The following AFG3L2 variants were observed in gnomAD, a reference collection of about 807,000 sequenced individuals.
AFG3L2 encodes the protein AFG3 like matrix AAA peptidase subunit 2.
A neutral mutation model predicts 94.5 loss-of-function variants in AFG3L2; 54 were observed. That is an observed-to-expected ratio of 0.57 (90% CI 0.46 to 0.72). The LOEUF (loss-of-function observed/expected upper bound fraction) is 0.72. Ranked by LOEUF, AFG3L2 falls within the 30% of genes least tolerant of loss-of-function variation. The pLI is 0.00. For synonymous variants in AFG3L2, 377 were observed against 365.5 expected (o/e 1.03, Z -0.36); for missense variants, 754 against 994.9 (o/e 0.76, Z 3.26).
chr18:12,334,327 G>A (rs1260731234), intron 16 of AFG3L2, among the ~76,000 whole-genome samples: 1 of 152,168 alleles, frequency 6.6e-6, no homozygotes, highest in Non-Finnish European at 1.5e-5. Flanking sequence ...CGTGAGTCGT[G>A]TGAGTACAGA....
chr18:12,363,273 G>A (rs1239579989), intron 6 of AFG3L2, among the ~76,000 whole-genome samples: 2 of 151,984 alleles, frequency 1.3e-5, no homozygotes, highest in East Asian at 1.9e-4. Flanking sequence ...CTTGCTCTGG[G>A]GTCTCTGGAA....
intron 6 of AFG3L2, among the ~76,000 whole-genome samples, chr18:12,362,857 G>T (rs562695441): frequency 1.1e-3 from 164 of 146,326 alleles, no homozygotes; most frequent in African/African-American, 4.4e-3. Flanking sequence ...AGAGGGATGG[G>T]TGTGTGTGTG....
At chr18:12,350,342 A>T (rs1908275379) in intron 12 of AFG3L2, among the ~76,000 whole-genome samples, 1 of 152,224 alleles carries the variant, frequency 6.6e-6, no homozygotes, top group Non-Finnish European at 1.5e-5. Flanking sequence ...TGATGGTTGT[A>T]CAACCCTGTA....
chr18:12,352,322 A>G (rs911586569), intron 10 of AFG3L2, among the ~76,000 whole-genome samples: 1 of 151,810 alleles, frequency 6.6e-6, no homozygotes, highest in Non-Finnish European at 1.5e-5. Flanking sequence ...TTCTGCCCCT[A>G]TGCCTGGCTT....
chr18:12,368,924 A>G (rs994025574), intron 3 of AFG3L2, among the ~76,000 whole-genome samples: 4 of 152,064 alleles, frequency 2.6e-5, no homozygotes, highest in African/African-American at 9.7e-5. Flanking sequence ...TAATGTCTTC[A>G]GTGACCATGA....
intron 5 of AFG3L2, among the ~76,000 whole-genome samples, chr18:12,366,050 AT>A (rs1228487864): frequency 6.1e-4 from 93 of 151,596 alleles, no homozygotes; most frequent in Non-Finnish European, 1.1e-3. Context: ...AATTTTTTGT[AT>A]TTTTTAGTAG....
intron 12 of AFG3L2, 58 bp downstream of exon 12, chr18:12,351,027 G>A (rs1402864115): frequency 1.9e-6 from 3 of 1,603,388 alleles, no homozygotes; most frequent in South Asian, 2.2e-5. Context: ...CCGGTACCTG[G>A]TAACTGTTAC....
At chr18:12,333,251 T>C (rs1384707822) in intron 16 of AFG3L2, among the ~76,000 whole-genome samples, 4 of 126,834 alleles carry the variant, frequency 3.2e-5, no homozygotes, top group African/African-American at 6.1e-5. Flanking sequence ...ATTATATAAA[T>C]ATATAGATTA....
chr18:12,362,727 A>G (rs1946479614), intron 6 of AFG3L2, among the ~76,000 whole-genome samples: 2 of 152,196 alleles, frequency 1.3e-5, no homozygotes, highest in Admixed American at 1.3e-4. Context: ...CCTGTGCCTG[A>G]CATGGGCCGC....
In AFG3L2 at chr18:12,343,407, AC is replaced by A. The variant is rs1269361625; in HGVS notation, c.1779+724del. The A allele has an allele frequency of 6.0e-5, 9 of 150,364 alleles. No individual in the cohort carries two copies. In the East Asian group the frequency reaches 1.6e-3, roughly 26 times the overall value. The allele number at this position is 150,364 out of a possible 1,614,324, so 9.3% of individuals were successfully genotyped here. On this transcript the variant is annotated intron_variant, in intron 14 of 16. Transcript: ENST00000269143. ...CTCTATGGTTCCCTTGCTTCAGGGG[AC>A]CCCCACACCCCTGGCCCGCCTCAAT...
At chr18:12,358,625 A>G (rs911820032) in intron 8 of AFG3L2, 45 bp downstream of exon 8, 24 of 1,580,388 alleles carry the variant, frequency 1.5e-5, no homozygotes, top group Non-Finnish European at 2.1e-5. Flanking sequence ...ATAACTTCAG[A>G]GATCAAGAAA....
At chr18:12,369,815 G>A (rs1908922367) in intron 3 of AFG3L2, among the ~76,000 whole-genome samples, 1 of 151,936 alleles carries the variant, frequency 6.6e-6, no homozygotes, top group South Asian at 2.1e-4. Context: ...CCAGCACTTT[G>A]GGAGGCCGAG....
rs148093082 is a variant in AFG3L2, at chr18:12,359,697, A to G, written c.752+230T>C. ...ACAAAGGTTGCAGTGAGTCAAGATC[A>G]TACGACTGCACTACAGCCTGGGCGA... On this transcript the variant is annotated intron_variant, in intron 7 of 16. Transcript: ENST00000269143. Among the ~76,000 whole-genome samples, 689 of 152,264 alleles carry G rather than the reference A, an allele frequency of 4.5e-3. 5 individuals carry two copies. Among genetic ancestry groups the G allele is most frequent in the South Asian group, 8.7e-3 (42 of 4,830 alleles).
Position 12,329,192 on chromosome 18 carries a change from C to A in AFG3L2, c.*373G>T. On this transcript the variant is annotated 3_prime_UTR_variant, in exon 17 of 17. Transcript: ENST00000269143. ...AGGAGAAACAGGAATGAAGAGTGGG[C>A]GACAAAGAGAAAGCATCCCTTCCCA... 1.4e-6 allele frequency: 1 copy of A among 702,906 alleles called. No homozygotes were observed. Among genetic ancestry groups the A allele is most frequent in the Non-Finnish European group, 2.6e-6 (1 of 385,002 alleles). 43.5% of individuals were successfully genotyped at this position (702,906 alleles called of 1,614,324 possible). A position where few individuals can be genotyped will look rare whatever the true frequency, so the allele number is the denominator to read the frequency against.
At chr18:12,347,397 T>C (rs1043843185) in intron 13 of AFG3L2, among the ~76,000 whole-genome samples, 2 of 152,222 alleles carry the variant, frequency 1.3e-5, no homozygotes, top group Non-Finnish European at 2.9e-5. Context: ...TTCCTTTGAA[T>C]GCCCAAGTTC....
chr18:12,348,103 G>C (rs1436067665), intron 13 of AFG3L2, among the ~76,000 whole-genome samples, 170 bp downstream of exon 13: 1 of 152,132 alleles, frequency 6.6e-6, no homozygotes, highest in African/African-American at 2.4e-5. Context: ...AGGAGGAGAG[G>C]GAGGAGAGGC....
chr18:12,336,281 T>C (rs1163848699), intron 16 of AFG3L2, among the ~76,000 whole-genome samples: 1 of 152,258 alleles, frequency 6.6e-6, no homozygotes, highest in African/African-American at 2.4e-5. Flanking sequence ...TAACATCTAC[T>C]GTAAAACTTA....
chr18:12,334,614 CTT>C (rs1398843016), intron 16 of AFG3L2, among the ~76,000 whole-genome samples: 1 of 152,200 alleles, frequency 6.6e-6, no homozygotes, highest in African/African-American at 2.4e-5. Context: ...GCTTTCTTCT[CTT>C]TTGTTCTCTA....
chr18:12,357,890 C>T lies in AFG3L2; in HGVS notation c.1026+780G>A, dbSNP rs143073053. Among the ~76,000 whole-genome samples, 110 of 152,162 alleles carry T rather than the reference C, an allele frequency of 7.2e-4. No homozygotes were observed. In the East Asian group the frequency reaches 0.02, roughly 28 times the overall value. ...CTGGGATTACAGGAGTGAGCCACTGCGCCTGGCCCTACACAACTATTATAT... is the reference window on the plus strand; with the variant it reads ...CTGGGATTACAGGAGTGAGCCACTGTGCCTGGCCCTACACAACTATTATAT... On this transcript the variant is annotated intron_variant, in intron 8 of 16. Transcript: ENST00000269143.
Sources: gnomAD v4.1 joint callset for allele counts (sites outside exome capture counted in the v4.1 genomes callset) on GRCh38, gnomAD v4.1.1 for gene constraint, MANE v1.5 for transcripts, NCBI Gene and HGNC (gene_info 2026-07-23, HGNC 2026-07-21) for gene names.